ADAMTSL1: variants seen among roughly 807,000 people sequenced by gnomAD.
ADAMTSL1 encodes the protein ADAMTS like 1.
ADAMTSL1 carries 126 observed loss-of-function variants against 201.8 expected under a neutral mutation model. That is an observed-to-expected ratio of 0.62 (90% CI 0.54 to 0.72). The LOEUF (loss-of-function observed/expected upper bound fraction) is 0.72. Ranked by LOEUF, ADAMTSL1 falls within the 30% of genes least tolerant of loss-of-function variation. The pLI, the probability that ADAMTSL1 is intolerant of heterozygous loss-of-function variation, is 0.00. For missense variants in ADAMTSL1, 2,679 were observed against 2,277.8 expected, an observed-to-expected ratio of 1.18 and a Z score of -3.59; for synonymous variants, 1,121 against 903.4, an observed-to-expected ratio of 1.24 and a Z score of -4.32.
Position 18,495,009 on chromosome 9 carries a change from A to G in ADAMTSL1, c.64-9820A>G, listed in dbSNP as rs7850469. Among the ~76,000 whole-genome samples, 420 of 152,320 alleles carry G rather than the reference A, an allele frequency of 2.8e-3. 1 individual carries two copies. The highest frequency in any genetic ancestry group is 9.4e-3 in the African/African-American group (392 of 41,572). On this transcript the variant is annotated intron_variant, in intron 1 of 28. Coordinates refer to ENST00000380548, the MANE Select transcript of ADAMTSL1 (RefSeq NM_001040272.6). Reference sequence around the variant, plus strand: ...AACACCAGATGGGAAGTCAATTGCAAAGTGCCAGGCATGAATGGTAGTACC... The same window carrying G: ...AACACCAGATGGGAAGTCAATTGCAGAGTGCCAGGCATGAATGGTAGTACC...
intron 2 of ADAMTSL1, among the ~76,000 whole-genome samples, chr9:18,303,985 C>G (rs1458536089): frequency 6.6e-6 from 1 of 152,064 alleles, no homozygotes; most frequent in Non-Finnish European, 1.5e-5. Context: ...GCTCTCCACC[C>G]GTTCCGACAG....
chr9:18,777,304 C>T lies in ADAMTSL1; in HGVS notation c.3075C>T (p.Val1025=), dbSNP rs777492342. 7 of 1,603,530 alleles carry T rather than the reference C, an allele frequency of 4.4e-6. No individual in the cohort carries two copies. The African/African-American group carries it at 6.7e-5, about 15-fold the overall frequency. Reference sequence around the variant, plus strand: ...CGGGGAGCCGCTACGACGACCTCGTCTCCCGGCTGCTGGAGCAGGGCGGCT... The same window carrying T: ...CGGGGAGCCGCTACGACGACCTCGTTTCCCGGCTGCTGGAGCAGGGCGGCT... ...ANPGSRYDDL[V]SRLLEQGGWP... The change falls in exon 19 of 29, where the codon GTC becomes GTT. Residue 1025 remains valine (V), a synonymous_variant. Transcript: ENST00000380548.
Position 17,931,424 on chromosome 9 carries a change from A to G in ADAMTSL1, c.87+24502A>G, listed in dbSNP as rs181476285. 3.3e-5 allele frequency among the ~76,000 whole-genome samples: 5 copies of G among 152,232 alleles called. No homozygotes were observed. The East Asian group carries it at 9.6e-4, about 29-fold the overall frequency. ...CCATTTTTGTTTTCTTTCATCATCC[A>G]TCTAAGTGTAAAAGCTAGCTGTCAT... On this transcript the variant is annotated intron_variant, in intron 1 of 29. Transcript: ENST00000680146.
At chr9:18,020,401 T>A (rs1820432429) in intron 1 of ADAMTSL1, among the ~76,000 whole-genome samples, 1 of 152,068 alleles carries the variant, frequency 6.6e-6, no homozygotes, top group African/African-American at 2.4e-5. Flanking sequence ...CTCTTTTGGC[T>A]TCCTCACTTT....
intron 9 of ADAMTSL1, among the ~76,000 whole-genome samples, chr9:18,671,730 C>A (rs1034113124): frequency 3.9e-5 from 6 of 152,116 alleles, no homozygotes; most frequent in Non-Finnish European, 8.8e-5. Flanking sequence ...ATGAAAGGAT[C>A]TCTTTATGGT....
intron 1 of ADAMTSL1, among the ~76,000 whole-genome samples, chr9:18,057,760 G>T (rs1487086554): frequency 6.6e-6 from 1 of 152,174 alleles, no homozygotes; most frequent in Non-Finnish European, 1.5e-5. Context: ...TGCACATGCT[G>T]TTCCCTCTGC....
At chr9:18,775,058 T>TA (rs1554631717) in intron 17 of ADAMTSL1, among the ~76,000 whole-genome samples, 3 of 129,640 alleles carry the variant, frequency 2.3e-5, no homozygotes, top group Admixed American at 7.1e-5. Flanking sequence ...GTCTTTTTTT[T>TA]TTATTATTAT....
At chr9:18,707,098 T>C (rs1330724825) in intron 14 of ADAMTSL1, 50 bp downstream of exon 14, 2 of 1,574,018 alleles carry the variant, frequency 1.3e-6, no homozygotes, top group African/African-American at 2.7e-5. Context: ...TTGCTCATTT[T>C]CTCTCTCTGC....
chr9:18,775,722 T>TG, intron 17 of ADAMTSL1, 21 bp from the exon 18 acceptor site: 1 of 1,610,084 alleles, frequency 6.2e-7, no homozygotes, highest in South Asian at 1.1e-5. Context: ...TATGTGCATT[T>TG]GGCCTTTCTT....
intron 15 of ADAMTSL1, among the ~76,000 whole-genome samples, chr9:18,726,000 G>T (rs914830703): frequency 1.3e-5 from 2 of 152,104 alleles, no homozygotes; most frequent in Non-Finnish European, 2.9e-5. Flanking sequence ...GTCACTTTCA[G>T]CTATCTGACC....
chr9:18,656,092 T>G (rs1036933210), intron 7 of ADAMTSL1, among the ~76,000 whole-genome samples: 11 of 152,030 alleles, frequency 7.2e-5, no homozygotes, highest in Non-Finnish European at 1.3e-4. Flanking sequence ...CTCTCTTCCT[T>G]CTTTCCACCC....
intron 1 of ADAMTSL1, among the ~76,000 whole-genome samples, chr9:18,004,107 A>C (rs1478115532): frequency 3.9e-5 from 6 of 152,062 alleles, no homozygotes; most frequent in Admixed American, 3.9e-4. Context: ...TAATTTATTA[A>C]TGTTTTAAAG....
intron 4 of ADAMTSL1, 50 bp from the exon 5 acceptor site, chr9:18,622,193 T>C (rs1229324633): frequency 1.9e-6 from 3 of 1,595,010 alleles, no homozygotes; most frequent in Non-Finnish European, 2.6e-6. Flanking sequence ...ATAATGGATT[T>C]TGCCATCGGT....
chr9:18,876,991 T>G (rs1457543388), intron 23 of ADAMTSL1, among the ~76,000 whole-genome samples: 1 of 152,232 alleles, frequency 6.6e-6, no homozygotes, highest in Non-Finnish European at 1.5e-5. Flanking sequence ...TTCAAAAGAC[T>G]TGTCTTCAAG....
intron 2 of ADAMTSL1, among the ~76,000 whole-genome samples, chr9:18,304,640 G>T (rs1228930401): frequency 1.3e-5 from 2 of 148,952 alleles, no homozygotes; most frequent in South Asian, 4.2e-4. Context: ...GTAGCACAAG[G>T]GCCTAAACTT....
At chr9:18,359,001 A>G (rs181185717) in intron 2 of ADAMTSL1, among the ~76,000 whole-genome samples, 12 of 152,290 alleles carry the variant, frequency 7.9e-5, no homozygotes, top group African/African-American at 2.6e-4. Flanking sequence ...AATTTCAGTG[A>G]CTTCAAACAG....
chr9:18,889,849 A>G, intron 25 of ADAMTSL1, 101 bp downstream of exon 25: 2 of 1,189,946 alleles, frequency 1.7e-6, no homozygotes, highest in East Asian at 3.1e-5. Context: ...GTGCAGGGAG[A>G]GATGCCAGCC....
intron 5 of ADAMTSL1, among the ~76,000 whole-genome samples, chr9:18,626,482 G>A (rs553634192): frequency 9.1e-4 from 138 of 152,256 alleles, no homozygotes; most frequent in African/African-American, 3.0e-3. Flanking sequence ...ATTTGCATTC[G>A]GGATATATTT....
At chr9:18,855,616 T>C (rs1826792643) in intron 23 of ADAMTSL1, among the ~76,000 whole-genome samples, 1 of 152,190 alleles carries the variant, frequency 6.6e-6, no homozygotes, top group Admixed American at 6.5e-5. Context: ...CAATATTTTA[T>C]CTCTGAAAGG....
Sources: allele counts gnomAD v4.1 joint callset (sites outside exome capture counted in the v4.1 genomes callset), GRCh38; gene constraint gnomAD v4.1.1; transcripts MANE v1.5; gene names NCBI Gene and HGNC (gene_info 2026-07-23, HGNC 2026-07-21).